CADM3: variants seen among roughly 807,000 people sequenced by gnomAD.
The protein encoded by CADM3 is cell adhesion molecule 3.
In CADM3, 11 loss-of-function variants were observed where a neutral mutation model predicts 44.9. The ratio of observed to expected loss-of-function variants is 0.25; its 90% confidence interval spans 0.15 to 0.41. The LOEUF (loss-of-function observed/expected upper bound fraction) is 0.41. Ranked by LOEUF, CADM3 falls within the 10% of genes least tolerant of loss-of-function variation. The pLI, the probability that CADM3 is intolerant of heterozygous loss-of-function variation, is 1.00. For synonymous variants in CADM3, 207 were observed against 205.2 expected, an observed-to-expected ratio of 1.01 and a Z score of -0.08; for missense variants, 426 against 512.0, an observed-to-expected ratio of 0.83 and a Z score of 1.62.
At chr1:159,177,147 A>C (rs2249872) in intron 1 of CADM3, among the ~76,000 whole-genome samples, 1 of 151,930 alleles carries the variant, frequency 6.6e-6, no homozygotes, top group Non-Finnish European at 1.5e-5. Flanking sequence ...GTTGTAGCAC[A>C]TTAAAAGCCC....
intron 1 of CADM3, among the ~76,000 whole-genome samples, chr1:159,179,721 T>C (rs552133550): frequency 1.3e-5 from 2 of 152,320 alleles, no homozygotes; most frequent in East Asian, 3.9e-4. Context: ...GAACTTAGCA[T>C]AGCAGTCAGT....
chr1:159,196,875 T>A lies in CADM3; in HGVS notation c.783-16T>A. 6.2e-7 allele frequency: 1 copy of A among 1,613,052 alleles called. No homozygotes were observed. The highest frequency in any genetic ancestry group is 8.5e-7 in the Non-Finnish European group (1 of 1,179,478). Reference sequence around the variant, plus strand: ...CTATGCTCTCCTGAGCTCTTCTGATTTGTCTGCCTCGACAGCCCCCAGCAG... The same window carrying A: ...CTATGCTCTCCTGAGCTCTTCTGATATGTCTGCCTCGACAGCCCCCAGCAG... On this transcript the variant is annotated splice_polypyrimidine_tract_variant and intron_variant, in intron 6 of 8. Transcript: ENST00000368125.
chr1:159,203,245 G>C lies in CADM3; in HGVS notation c.*2323G>C, dbSNP rs1250692727. Reference sequence around the variant, plus strand: ...CACCTGGTGCCTGGTGCCTCAAAAGGTGGTGTGTCCCTTGCCAGGCCACTC... The same window carrying C: ...CACCTGGTGCCTGGTGCCTCAAAAGCTGGTGTGTCCCTTGCCAGGCCACTC... On this transcript the variant is annotated 3_prime_UTR_variant, in exon 9 of 9. Transcript: ENST00000368125. The C allele has an allele frequency of 6.6e-6, 1 of 152,278 alleles. No individual in the cohort carries two copies. The highest frequency in any genetic ancestry group is 2.4e-5 in the African/African-American group (1 of 41,390). The allele number at this position is 152,278 out of a possible 1,614,324, so 9.4% of individuals were successfully genotyped here. A position where few individuals can be genotyped will look rare whatever the true frequency, so the allele number is the denominator to read the frequency against.
intron 1 of CADM3, among the ~76,000 whole-genome samples, chr1:159,174,907 C>G (rs946344482): frequency 2.0e-5 from 3 of 152,172 alleles, no homozygotes; most frequent in African/African-American, 7.2e-5. Context: ...GTGACTTGGC[C>G]TAGGGTAAAG....
At chr1:159,183,381 G>A (rs1227876248) in intron 1 of CADM3, among the ~76,000 whole-genome samples, 4 of 152,148 alleles carry the variant, frequency 2.6e-5, no homozygotes, top group Non-Finnish European at 5.9e-5. Flanking sequence ...TTTATCAAGA[G>A]GCTGCTTGAT....
chr1:159,201,882 G>C lies in CADM3; in HGVS notation c.*960G>C, dbSNP rs1650229817. 6.5e-6 allele frequency: 1 copy of C among 152,912 alleles called. No individual in the cohort carries two copies. Among genetic ancestry groups the C allele is most frequent in the African/African-American group, 2.4e-5 (1 of 41,432 alleles). The allele number at this position is 152,912 out of a possible 1,614,324, so 9.5% of individuals were successfully genotyped here. A position where few individuals can be genotyped will look rare whatever the true frequency, so the allele number is the denominator to read the frequency against. On this transcript the variant is annotated 3_prime_UTR_variant, in exon 9 of 9. Transcript: ENST00000368125. ...CGGCAACCACTCCTCCCATGGCATT[G>C]CTCAGCAACTACTTCTCCCTTCCCG...
At chr1:159,172,751 G>A (rs1425596802) in intron 1 of CADM3, among the ~76,000 whole-genome samples, 1 of 152,078 alleles carries the variant, frequency 6.6e-6, no homozygotes, top group African/African-American at 2.4e-5. Flanking sequence ...GAGAGATGAA[G>A]GAAGGGAGTC....
At chr1:159,184,513 T>C (rs373026429) in intron 1 of CADM3, among the ~76,000 whole-genome samples, 4 of 152,192 alleles carry the variant, frequency 2.6e-5, no homozygotes, top group African/African-American at 9.6e-5. Context: ...AGTGGGACTC[T>C]GGACTCAAGC....
chr1:159,173,530 C>T (rs1648904591), intron 1 of CADM3, among the ~76,000 whole-genome samples: 1 of 152,120 alleles, frequency 6.6e-6, no homozygotes, highest in South Asian at 2.1e-4. Context: ...CGTGGAATCC[C>T]CTTCCCCAGA....
chr1:159,201,110 A>G lies in CADM3; in HGVS notation c.*188A>G. On this transcript the variant is annotated 3_prime_UTR_variant, in exon 9 of 9. Transcript: ENST00000368125. ...ACTCGGTTTGGAATGGGGAGGGAGG[A>G]GGGCGGGGGGAGGGGAGGGTTGCCC... The G allele has an allele frequency of 1.6e-5, 2 of 128,886 alleles. No homozygotes were observed. The highest frequency in any genetic ancestry group is 3.3e-5 in the African/African-American group (1 of 30,606). The allele number at this position is 128,886 out of a possible 1,614,324, so 8.0% of individuals were successfully genotyped here.
chr1:159,190,522 A>G (rs557661606), intron 1 of CADM3, among the ~76,000 whole-genome samples: 1 of 152,336 alleles, frequency 6.6e-6, no homozygotes, highest in African/African-American at 2.4e-5. Flanking sequence ...ATGATCCCAA[A>G]GATCTCACTC....
At chr1:159,197,296 G>C (rs1056160700) in intron 7 of CADM3, 1 of 450,614 alleles carries the variant, frequency 2.2e-6, no homozygotes, top group African/African-American at 2.0e-5. Flanking sequence ...TTCTTTGGTA[G>C]TGGTGGCCTG....
intron 1 of CADM3, among the ~76,000 whole-genome samples, chr1:159,176,331 C>T (rs1050763606): frequency 3.9e-5 from 6 of 152,126 alleles, no homozygotes; most frequent in Non-Finnish European, 5.9e-5. Context: ...TGTACTAGAA[C>T]ATTTTGTTTC....
intron 1 of CADM3, among the ~76,000 whole-genome samples, chr1:159,186,379 T>C (rs961349469): frequency 2.6e-5 from 4 of 152,168 alleles, no homozygotes; most frequent in Admixed American, 2.6e-4. Flanking sequence ...TCATCTGTTC[T>C]TCTACCTGAG....
chr1:159,197,134 C>A, intron 7 of CADM3, 74 bp downstream of exon 7: 1 of 1,483,106 alleles, frequency 6.7e-7, no homozygotes, highest in Non-Finnish European at 9.3e-7. Flanking sequence ...TAAAATGCTT[C>A]CTGATAACAT....
intron 1 of CADM3, among the ~76,000 whole-genome samples, chr1:159,178,744 T>C (rs1486806450): frequency 6.6e-6 from 1 of 152,146 alleles, no homozygotes; most frequent in Non-Finnish European, 1.5e-5. Context: ...GCTGATGATA[T>C]CAAACGGCGT....
At position 159,202,551 on chromosome 1, in the gene CADM3, T is replaced by A. The variant is rs1650267908; in HGVS notation, c.*1629T>A. On this transcript the variant is annotated 3_prime_UTR_variant, in exon 9 of 9. Transcript: ENST00000368125. The stretch of plus-strand genomic sequence containing the variant: ...CTGGGTCCCCACCCTTCCTTTTGAT[T>A]TCCTGTCTTCCTTCTCGTGGCCCCA... 6.6e-6 allele frequency: 1 copy of A among 152,592 alleles called. No homozygotes were observed. Among genetic ancestry groups the A allele is most frequent in the South Asian group, 2.1e-4 (1 of 4,838 alleles). The allele number at this position is 152,592 out of a possible 1,614,324, so 9.5% of individuals were successfully genotyped here. A position where few individuals can be genotyped will look rare whatever the true frequency, so the allele number is the denominator to read the frequency against.
Position 159,194,095 on chromosome 1 carries a change from A to G in CADM3, c.691+55A>G, listed in dbSNP as rs1649791846. 6.5e-6 allele frequency: 10 copies of G among 1,545,462 alleles called. No homozygotes were observed. In the South Asian group the frequency reaches 9.5e-5, roughly 15 times the overall value. On this transcript the variant is annotated intron_variant, in intron 5 of 8. Transcript: ENST00000368125. ...ATGAGGTATGAGATGAGGACCAGGG[A>G]GAAAGAGAATGCAGGTGACTGTGCA...
At chr1:159,199,600 G>A (rs1407349843) in intron 7 of CADM3, 151 bp from the exon 8 acceptor site, 5 of 929,370 alleles carry the variant, frequency 5.4e-6, no homozygotes, top group South Asian at 3.0e-5. Context: ...TGGCGTATAA[G>A]CACAAGATAA....
Sources: allele counts gnomAD v4.1 joint callset (sites outside exome capture counted in the v4.1 genomes callset), GRCh38; gene constraint gnomAD v4.1.1; transcripts MANE v1.5; gene names NCBI Gene and HGNC (gene_info 2026-07-23, HGNC 2026-07-21).